SMARCC1: variants seen among roughly 807,000 people sequenced by gnomAD.
SMARCC1 encodes the protein SWI/SNF complex subunit SMARCC1.
Under a neutral mutation model 147.4 loss-of-function variants are expected in SMARCC1, and 43 were observed. That is an observed-to-expected ratio of 0.29 (90% CI 0.23 to 0.38). SMARCC1 has a LOEUF of 0.38. Among genes scored for constraint, SMARCC1 ranks in the 10% least tolerant of loss-of-function variants. SMARCC1 has a pLI of 1.00. For missense variants in SMARCC1, 1,119 were observed against 1,381.1 expected, an observed-to-expected ratio of 0.81 and a Z score of 3.01; for synonymous variants, 495 against 484.4, an observed-to-expected ratio of 1.02 and a Z score of -0.29.
intron 9 of SMARCC1, 152 bp from the exon 10 acceptor site, chr3:47,706,682 C>T: frequency 1.5e-6 from 1 of 666,284 alleles, no homozygotes; most frequent in Non-Finnish European, 2.2e-6. Flanking sequence ...TCCAGGAACA[C>T]CAGTAATCAA....
At chr3:47,642,462 T>C (rs1342974936) in intron 21 of SMARCC1, among the ~76,000 whole-genome samples, 2 of 152,022 alleles carry the variant, frequency 1.3e-5, no homozygotes, top group East Asian at 3.9e-4. Flanking sequence ...TGGTGGCGCA[T>C]GCTAGTAATC....
intron 10 of SMARCC1, 139 bp from the exon 11 acceptor site, chr3:47,701,541 G>A (rs940714488): frequency 3.9e-5 from 31 of 804,096 alleles, no homozygotes; most frequent in African/African-American, 3.2e-4. Context: ...TAGGTCGGTC[G>A]CGGTGGTTCA....
intron 25 of SMARCC1, 79 bp from the exon 26 acceptor site, chr3:47,610,406 AT>A: frequency 6.8e-7 from 1 of 1,472,068 alleles, no homozygotes; most frequent in Non-Finnish European, 9.4e-7. Context: ...CAACTACATA[AT>A]GCCTGAATTA....
chr3:47,693,504 C>T (rs1414921480), intron 11 of SMARCC1, among the ~76,000 whole-genome samples: 1 of 152,146 alleles, frequency 6.6e-6, no homozygotes, highest in Admixed American at 6.5e-5. Context: ...CATATAGTTT[C>T]ATCATAAAAG....
chr3:47,663,731 C>T (rs960371476), intron 19 of SMARCC1: 2 of 1,510,264 alleles, frequency 1.3e-6, no homozygotes, highest in Non-Finnish European at 1.8e-6. Flanking sequence ...GGAAAAGTTC[C>T]TTCACAAGAC....
At position 47,713,318 on chromosome 3, in the gene SMARCC1, AAAATAAATAAATAAAT is replaced by A. The variant is rs144722768; in HGVS notation, c.792+1081_792+1096del. On this transcript the variant is annotated intron_variant, in intron 8 of 27. Transcript: ENST00000254480. ...GGGCGACAGAGCCAGACTCCGTCTC[AAAATAAATAAATAAAT>A]AAATAAATAAATAAATAAATAAATA... Among the ~76,000 whole-genome samples the A allele has an allele frequency of 1.0e-3, 148 of 146,718 alleles. 1 individual carries two copies. The highest frequency in any genetic ancestry group is 3.6e-3 in the Middle Eastern group (1 of 280).
chr3:47,715,270 T>C (rs1420318117), intron 7 of SMARCC1, among the ~76,000 whole-genome samples: 1 of 152,210 alleles, frequency 6.6e-6, no homozygotes, highest in South Asian at 2.1e-4. Flanking sequence ...CATCTCCTTG[T>C]GTAGAACATC....
intron 17 of SMARCC1, 51 bp from the exon 18 acceptor site, chr3:47,675,639 G>C: frequency 9.8e-7 from 1 of 1,019,480 alleles, no homozygotes; most frequent in Non-Finnish European, 1.5e-6. Flanking sequence ...AAAGTCAAGA[G>C]GGTAAATGTT....
rs764204929 is a variant in SMARCC1, at chr3:47,746,013, C to T, written c.316-20G>A. 5 of 1,494,510 alleles carry T rather than the reference C, an allele frequency of 3.3e-6. No individual in the cohort carries two copies. The South Asian group carries it at 6.5e-5, about 19-fold the overall frequency. 92.6% of individuals were successfully genotyped at this position (1,494,510 alleles called of 1,614,324 possible). A position where few individuals can be genotyped will look rare whatever the true frequency, so the allele number is the denominator to read the frequency against. On this transcript the variant is annotated intron_variant, in intron 2 of 27. Coordinates refer to ENST00000254480, the MANE Select transcript of SMARCC1 (RefSeq NM_003074.4). Reference sequence around the variant, plus strand: ...CTTTGCCTAAAAATGATACAAATTACACATGAGAAAAATAAAGCTTCTGAC... The same window carrying T: ...CTTTGCCTAAAAATGATACAAATTATACATGAGAAAAATAAAGCTTCTGAC...
At chr3:47,674,499 TTTA>T (rs1475453245) in intron 18 of SMARCC1, among the ~76,000 whole-genome samples, 1 of 152,220 alleles carries the variant, frequency 6.6e-6, no homozygotes, top group Non-Finnish European at 1.5e-5. Flanking sequence ...AGCTATCAGT[TTTA>T]TTATTGTTCT....
At chr3:47,612,406 C>T (rs1300998991) in intron 25 of SMARCC1, among the ~76,000 whole-genome samples, 1 of 152,134 alleles carries the variant, frequency 6.6e-6, no homozygotes, top group African/African-American at 2.4e-5. Context: ...TATGTAAGAA[C>T]TATGGAATTT....
intron 15 of SMARCC1, 56 bp downstream of exon 15, chr3:47,680,381 A>T: frequency 8.5e-7 from 1 of 1,174,306 alleles, no homozygotes; most frequent in Non-Finnish European, 1.3e-6. Flanking sequence ...TGGATGCTTG[A>T]AGAGCCCCTA....
At chr3:47,645,843 A>C (rs1559633627) in intron 21 of SMARCC1, among the ~76,000 whole-genome samples, 1 of 152,228 alleles carries the variant, frequency 6.6e-6, no homozygotes, top group African/African-American at 2.4e-5. Flanking sequence ...TTAATTAGCT[A>C]TGGTTCCAAG....
intron 26 of SMARCC1, among the ~76,000 whole-genome samples, chr3:47,595,225 A>T (rs1018381385): frequency 7.9e-5 from 12 of 151,990 alleles, no homozygotes; most frequent in Admixed American, 1.3e-4. Context: ...GTTAAAAAAA[A>T]TTTTTTTTAA....
intron 25 of SMARCC1, among the ~76,000 whole-genome samples, chr3:47,620,676 A>C (rs1047272293): frequency 2.0e-5 from 3 of 151,986 alleles, no homozygotes; most frequent in Non-Finnish European, 2.9e-5. Context: ...TGCTCCAGGG[A>C]ATGCTACGTA....
Position 47,748,842 on chromosome 3 carries a change from A to C in SMARCC1, c.316-2849T>G, listed in dbSNP as rs529508608. On this transcript the variant is annotated intron_variant, in intron 2 of 27. Coordinates refer to ENST00000254480, the MANE Select transcript of SMARCC1 (RefSeq NM_003074.4). ...GACAAAAAGCAGAATGGTGGTTGCC[A>C]AGGAAAGAGGGACAAGGAATGAAAG... Among the ~76,000 whole-genome samples, 4 of 152,290 alleles carry C rather than the reference A, an allele frequency of 2.6e-5. No individual in the cohort carries two copies. In the East Asian group the frequency reaches 7.7e-4, roughly 29 times the overall value.
chr3:47,749,007 A>T (rs900483506), intron 2 of SMARCC1, among the ~76,000 whole-genome samples: 6 of 151,384 alleles, frequency 4.0e-5, no homozygotes, highest in Admixed American at 6.6e-5. Flanking sequence ...TCATCTGTTT[A>T]AAAAAAAATA....
chr3:47,671,197 A>AAAAC (rs1157129603), intron 18 of SMARCC1, among the ~76,000 whole-genome samples: 3 of 62,206 alleles, frequency 4.8e-5, no homozygotes, highest in East Asian at 9.8e-4. Context: ...AAAAAAAAAA[A>AAAAC]ACACACACAA....
intron 19 of SMARCC1, among the ~76,000 whole-genome samples, chr3:47,665,858 T>A (rs1446945154): frequency 6.6e-6 from 1 of 152,042 alleles, no homozygotes; most frequent in Non-Finnish European, 1.5e-5. Flanking sequence ...CTCTCTTTTT[T>A]TTTTTTTTGT....
Sources: gnomAD v4.1 joint callset for allele counts (sites outside exome capture counted in the v4.1 genomes callset) on GRCh38, gnomAD v4.1.1 for gene constraint, MANE v1.5 for transcripts, NCBI Gene and HGNC (gene_info 2026-07-23, HGNC 2026-07-21) for gene names.